PLAAT3: variants seen among roughly 807,000 people sequenced by gnomAD.
PLAAT3 encodes phospholipase A and acyltransferase 3.
In PLAAT3, 21 loss-of-function variants were observed where a neutral mutation model predicts 16.7. That is an observed-to-expected ratio of 1.26 (90% CI 0.89 to 1.81). The LOEUF (loss-of-function observed/expected upper bound fraction) is 1.81. PLAAT3 is among the 40% of genes most tolerant of loss of function. The probability of loss-of-function intolerance (pLI) is 0.00; values close to 1 mark genes in which losing one functional copy is unlikely to be tolerated. For synonymous variants in PLAAT3, 76 were observed against 81.7 expected, an observed-to-expected ratio of 0.93 and a Z score of 0.38; for missense variants, 219 against 213.7, an observed-to-expected ratio of 1.02 and a Z score of -0.16.
chr11:63,586,046 G>A (rs916078232), intron 4 of PLAAT3, among the ~76,000 whole-genome samples: 1 of 152,020 alleles, frequency 6.6e-6, no homozygotes, highest in Non-Finnish European at 1.5e-5. Flanking sequence ...GTGAGACCCT[G>A]TCTCTACAAA....
chr11:63,580,063 T>G (rs1187112298), intron 4 of PLAAT3, among the ~76,000 whole-genome samples: 1 of 151,914 alleles, frequency 6.6e-6, no homozygotes, highest in Non-Finnish European at 1.5e-5. Flanking sequence ...AGAAAGCTGC[T>G]GAAAATGGTT....
At chr11:63,600,893 C>T (rs1020896098) in intron 2 of PLAAT3, among the ~76,000 whole-genome samples, 1 of 151,916 alleles carries the variant, frequency 6.6e-6, no homozygotes, top group Non-Finnish European at 1.5e-5. Context: ...CGTGAGCCAC[C>T]ACGCCCGGCC....
chr11:63,601,298 C>T (rs1938422880), intron 2 of PLAAT3, among the ~76,000 whole-genome samples: 1 of 150,628 alleles, frequency 6.6e-6, no homozygotes, highest in African/African-American at 2.4e-5. Context: ...TTGTGATCCG[C>T]CAGCCTGGGT....
intron 4 of PLAAT3, among the ~76,000 whole-genome samples, chr11:63,577,459 C>T (rs1054207188): frequency 2.0e-5 from 3 of 152,018 alleles, no homozygotes; most frequent in African/African-American, 4.8e-5. Flanking sequence ...CGTGAGCCGC[C>T]GCACCCAGCC....
chr11:63,611,218 C>A (rs1938685323), intron 2 of PLAAT3, among the ~76,000 whole-genome samples: 1 of 152,132 alleles, frequency 6.6e-6, no homozygotes, highest in Non-Finnish European at 1.5e-5. Context: ...AGTGATCTAC[C>A]ACCTTGGCCT....
At chr11:63,592,380 T>C (rs1048596450) in intron 3 of PLAAT3, among the ~76,000 whole-genome samples, 14 of 99,284 alleles carry the variant, frequency 1.4e-4, no homozygotes, top group Non-Finnish European at 3.6e-4. Flanking sequence ...TTGGCCAGGC[T>C]GGTCTCGAAC....
rs148324271 is a variant in PLAAT3, at chr11:63,595,510, G to A, written c.118+2551C>T. On this transcript the variant is annotated intron_variant, in intron 3 of 4. Coordinates refer to ENST00000415826, the MANE Select transcript of PLAAT3 (RefSeq NM_001128203.2). ...AAAGAAGCCAGACACAAAAGAGCAC[G>A]GGCCGTGTGATACCTCTTCCATGAA... is the stretch of plus-strand genomic sequence containing the variant. 9.3e-4 allele frequency among the ~76,000 whole-genome samples: 141 copies of A among 152,252 alleles called. No homozygotes were observed. The Middle Eastern group carries it at 0.014, about 15-fold the overall frequency.
upstream of PLAAT3, among the ~76,000 whole-genome samples, chr11:63,614,978 G>A (rs1233794990): frequency 7.0e-6 from 1 of 143,842 alleles, no homozygotes; most frequent in African/African-American, 2.5e-5. Flanking sequence ...TCGCGCCACT[G>A]CACTCTAGCC....
chr11:63,599,500 G>A (rs1486418213), intron 2 of PLAAT3, among the ~76,000 whole-genome samples: 2 of 152,208 alleles, frequency 1.3e-5, no homozygotes, highest in African/African-American at 4.8e-5. Context: ...GCCTATGAAG[G>A]CGGGTCAAAG....
intron 2 of PLAAT3, 34 bp from the exon 3 acceptor site, chr11:63,598,197 C>A (rs751283003): frequency 6.8e-7 from 1 of 1,461,098 alleles, no homozygotes; most frequent in Non-Finnish European, 9.6e-7. Context: ...TTAGAGGGAG[C>A]ATGAGATCGT....
intron 4 of PLAAT3, among the ~76,000 whole-genome samples, chr11:63,584,980 T>C (rs1937931060): frequency 6.6e-6 from 1 of 151,946 alleles, no homozygotes; most frequent in South Asian, 2.1e-4. Flanking sequence ...CATTTTCTGA[T>C]ATGTACTAAA....
chr11:63,615,014 CAAAAT>C (rs201341757), upstream of PLAAT3, among the ~76,000 whole-genome samples: 839 of 32,670 alleles, frequency 0.026, 66 homozygotes, highest in African/African-American at 0.046. Flanking sequence ...AACTCAGTCT[CAAAAT>C]ATATATATGT....
At chr11:63,614,900 A>G (rs1938793021), upstream of PLAAT3, among the ~76,000 whole-genome samples, 1 of 150,368 alleles carries the variant, frequency 6.7e-6, no homozygotes, top group Non-Finnish European at 1.5e-5. Flanking sequence ...CTGTAGTCCC[A>G]GCTACTCGGG....
At chr11:63,599,343 G>A (rs1938367422) in intron 2 of PLAAT3, among the ~76,000 whole-genome samples, 1 of 152,072 alleles carries the variant, frequency 6.6e-6, no homozygotes, top group South Asian at 2.1e-4. Context: ...AGATCCATAG[G>A]GGTTTTCCCA....
chr11:63,594,914 G>A (rs1383049461), intron 3 of PLAAT3, among the ~76,000 whole-genome samples: 1 of 151,564 alleles, frequency 6.6e-6, no homozygotes, highest in Non-Finnish European at 1.5e-5. Flanking sequence ...TGGGTAAGGG[G>A]CTCAGGGTGG....
intron 2 of PLAAT3, among the ~76,000 whole-genome samples, chr11:63,603,672 C>T (rs1268198512): frequency 6.7e-6 from 1 of 149,112 alleles, no homozygotes; most frequent in Non-Finnish European, 1.5e-5. Context: ...CCCTAACAAC[C>T]ATCAAAAAGG....
chr11:63,591,068 C>G (rs562818614), intron 3 of PLAAT3, among the ~76,000 whole-genome samples: 1 of 152,266 alleles, frequency 6.6e-6, no homozygotes, highest in African/African-American at 2.4e-5. Context: ...GAGAGGCAGG[C>G]ACTGAGTATG....
chr11:63,609,740 G>A (rs1464745876), intron 2 of PLAAT3, among the ~76,000 whole-genome samples: 1 of 152,130 alleles, frequency 6.6e-6, no homozygotes, highest in African/African-American at 2.4e-5. Flanking sequence ...TAGCAAGTGG[G>A]GGAAAGATAC....
intron 2 of PLAAT3, among the ~76,000 whole-genome samples, chr11:63,605,534 T>C (rs1256607561): frequency 8.5e-5 from 13 of 152,132 alleles, no homozygotes; most frequent in Admixed American, 8.5e-4. Context: ...GTCCAGTGTC[T>C]TTTTTGTTCT....
Sources: gnomAD v4.1 joint callset for allele counts (sites outside exome capture counted in the v4.1 genomes callset) on GRCh38, gnomAD v4.1.1 for gene constraint, MANE v1.5 for transcripts, NCBI Gene and HGNC (gene_info 2026-07-23, HGNC 2026-07-21) for gene names.